The following ARFGEF2 variants were observed in gnomAD, a reference collection of about 807,000 sequenced individuals.
The protein encoded by ARFGEF2 is ARF guanine nucleotide exchange factor 2.
In ARFGEF2, 74 loss-of-function variants were observed where a neutral mutation model predicts 219.9. The ratio of observed to expected loss-of-function variants is 0.34; its 90% CI spans 0.28 to 0.41. The LOEUF (loss-of-function observed/expected upper bound fraction) is 0.41, where lower values mean the gene tolerates loss of function less well. Among genes scored for constraint, ARFGEF2 ranks in the 10% least tolerant of loss-of-function variants. ARFGEF2 has a pLI of 1.00. For synonymous variants in ARFGEF2, 733 were observed against 799.2 expected (o/e 0.92, Z 1.40); for missense variants, 1,743 against 2,218.3 (o/e 0.79, Z 4.30).
In ARFGEF2 at chr20:49,010,212, C is replaced by A; in HGVS notation, c.3585-20C>A. On this transcript the variant is annotated intron_variant, in intron 26 of 38. Transcript: ENST00000371917. The stretch of plus-strand genomic sequence containing the variant: ...ATTCTCCAAAGTACAGACGATATGG[C>A]CGTCCCATTCTTTCCTCAGGTCTCC... 6.2e-7 allele frequency: 1 copy of A among 1,610,058 alleles called. No homozygotes were observed. The highest frequency in any genetic ancestry group is 8.5e-7 in the Non-Finnish European group (1 of 1,177,172).
intron 1 of ARFGEF2, among the ~76,000 whole-genome samples, chr20:48,933,263 G>C (rs1303694954): frequency 6.6e-5 from 10 of 152,180 alleles, no homozygotes; most frequent in Non-Finnish European, 1.5e-4. Context: ...CAGGTATGCT[G>C]TGCCGTATGC....
intron 14 of ARFGEF2, among the ~76,000 whole-genome samples, chr20:48,981,386 C>T (rs541848933): frequency 3.9e-5 from 6 of 152,240 alleles, no homozygotes; most frequent in East Asian, 1.9e-4. Context: ...GTGGGTAACC[C>T]GACCTTTCTC....
In ARFGEF2 at chr20:48,998,015, G is replaced by A. The variant is rs41304423; in HGVS notation, c.3222-178G>A. Reference sequence around the variant, plus strand: ...TGGGATTACAGGTGCCCGCCACCACGCCCAGCTAATTTTTTGTATTTTTTA... The same window carrying A: ...TGGGATTACAGGTGCCCGCCACCACACCCAGCTAATTTTTTGTATTTTTTA... On this transcript the variant is annotated intron_variant, in intron 23 of 38. Transcript: ENST00000371917. 15,842 of 613,944 alleles carry A rather than the reference G, an allele frequency of 0.026. 1,566 individuals are homozygous for A. The highest frequency in any genetic ancestry group is 0.23 in the African/African-American group (12,712 of 54,854). 38.0% of individuals were successfully genotyped at this position (613,944 alleles called of 1,614,324 possible).
Position 48,953,844 on chromosome 20 carries a change from G to T in ARFGEF2, c.838+54G>T. On this transcript the variant is annotated intron_variant, in intron 6 of 38. Coordinates refer to ENST00000371917, the MANE Select transcript of ARFGEF2 (RefSeq NM_006420.3). The stretch of plus-strand genomic sequence containing the variant: ...TCCAAGTGTGAGAGGGAATCAGCCT[G>T]TGAGGGGCAGAAGAAGTGTATGTCA... 2.0e-6 allele frequency: 3 copies of T among 1,514,946 alleles called. No individual in the cohort carries two copies. The South Asian group carries it at 3.5e-5, about 17-fold the overall frequency. 93.8% of individuals were successfully genotyped at this position (1,514,946 alleles called of 1,614,324 possible).
At chr20:49,026,963 A>G (rs937710611) in intron 36 of ARFGEF2, among the ~76,000 whole-genome samples, 1 of 152,164 alleles carries the variant, frequency 6.6e-6, no homozygotes, top group Non-Finnish European at 1.5e-5. Flanking sequence ...TACAGCCTTA[A>G]AATATCCAGC....
At chr20:48,943,131 C>G (rs1046395528) in intron 3 of ARFGEF2, among the ~76,000 whole-genome samples, 2 of 152,160 alleles carry the variant, frequency 1.3e-5, no homozygotes, top group Admixed American at 6.5e-5. Context: ...ACAGCACTAA[C>G]TACACCACTA....
At chr20:48,993,887 C>A (rs532008568) in intron 21 of ARFGEF2, among the ~76,000 whole-genome samples, 1 of 152,168 alleles carries the variant, frequency 6.6e-6, no homozygotes, top group Admixed American at 6.5e-5. Context: ...CAGCAGTGAA[C>A]AAGACAGAGT....
intron 35 of ARFGEF2, among the ~76,000 whole-genome samples, chr20:49,024,253 G>A (rs748937480): frequency 3.4e-4 from 52 of 152,136 alleles, no homozygotes; most frequent in Admixed American, 2.2e-3. Context: ...GATTGCAGGC[G>A]TGCACCACCA....
chr20:48,925,230 G>A (rs2090869538), intron 1 of ARFGEF2, among the ~76,000 whole-genome samples: 1 of 152,104 alleles, frequency 6.6e-6, no homozygotes, highest in Admixed American at 6.6e-5. Flanking sequence ...GCATAAATAG[G>A]GACTGCCCAA....
chr20:49,001,975 A>C (rs1362514334), intron 25 of ARFGEF2, among the ~76,000 whole-genome samples: 1 of 152,230 alleles, frequency 6.6e-6, no homozygotes, highest in African/African-American at 2.4e-5. Flanking sequence ...GGCCGGGCAC[A>C]GTAGCTCACT....
chr20:48,997,385 G>GC (rs2091398676), intron 23 of ARFGEF2, among the ~76,000 whole-genome samples: 1 of 152,152 alleles, frequency 6.6e-6, no homozygotes, highest in Admixed American at 6.6e-5. Flanking sequence ...TGATTCTGCT[G>GC]CCTCAGCCGC....
rs1343225349 is a variant in ARFGEF2, at chr20:48,991,192, G to A, written c.2967G>A (p.Trp989Ter). The A allele has an allele frequency of 6.2e-7, 1 of 1,614,198 alleles. No homozygotes were observed. Among genetic ancestry groups the A allele is most frequent in the Non-Finnish European group, 8.5e-7 (1 of 1,180,026 alleles). ...HTDGNYLGNSWHEILKCISQL... is the reference protein window; with the variant it reads ...HTDGNYLGNS ...ATGGCAACTACCTTGGGAATTCCTG[G>A]CATGAGGTACGTGTCTCTTTGAATT... Residue 989 changes from tryptophan to a stop codon, truncating the protein, a stop_gained, in exon 21 of 39, where the codon TGG becomes TGA. Transcript: ENST00000371917. LOFTEE classifies it high-confidence loss of function.
At chr20:48,938,015 C>A (rs1207120729) in intron 1 of ARFGEF2, among the ~76,000 whole-genome samples, 1 of 152,204 alleles carries the variant, frequency 6.6e-6, no homozygotes, top group African/African-American at 2.4e-5. Context: ...TTATGGTTTA[C>A]AGAGTAATTC....
intron 14 of ARFGEF2, among the ~76,000 whole-genome samples, chr20:48,982,665 A>G (rs1156881834): frequency 6.6e-6 from 1 of 152,114 alleles, no homozygotes; most frequent in Non-Finnish European, 1.5e-5. Flanking sequence ...TTCGAGCTTC[A>G]CCAGCACTTT....
intron 8 of ARFGEF2, 76 bp downstream of exon 8, chr20:48,966,099 CAAAAG>C (rs1450050665): frequency 6.4e-7 from 1 of 1,562,710 alleles, no homozygotes; most frequent in African/African-American, 1.4e-5. Context: ...AGTCTTTCCT[CAAAAG>C]AAGCAACTAA....
At position 48,998,480 on chromosome 20, in the gene ARFGEF2, A is replaced by G. The variant is rs2091404964; in HGVS notation, c.3407A>G (p.His1136Arg). The change falls in exon 25 of 39, where the codon CAT becomes CGT. Residue 1136 changes from histidine (H) to arginine (R), a missense_variant. His to Arg is a conservative substitution (Grantham distance 29). Transcript: ENST00000371917. ...RIRLQWSRIW[H>R]VIGDHFNKVG... ...CGACTACAGTGGTCTCGAATATGGC[A>G]TGTGATTGGAGATCACTTCAATAAG... The G allele has an allele frequency of 5.6e-6, 9 of 1,613,940 alleles. No individual in the cohort carries two copies. The highest frequency in any genetic ancestry group is 7.6e-6 in the Non-Finnish European group (9 of 1,179,994).
At chr20:48,983,938 G>A (rs1295342142) in intron 14 of ARFGEF2, among the ~76,000 whole-genome samples, 2 of 152,002 alleles carry the variant, frequency 1.3e-5, no homozygotes, top group African/African-American at 4.8e-5. Context: ...AATGGGCTGG[G>A]CATGGTGGCT....
intron 26 of ARFGEF2, among the ~76,000 whole-genome samples, chr20:49,006,853 T>C (rs1332563063): frequency 5.3e-5 from 8 of 150,454 alleles, no homozygotes; most frequent in Admixed American, 3.3e-4. Flanking sequence ...GTTTGCTCTC[T>C]GTGAAAGATG....
At chr20:48,968,041 T>A (rs1322016663) in intron 8 of ARFGEF2, among the ~76,000 whole-genome samples, 1 of 152,244 alleles carries the variant, frequency 6.6e-6, no homozygotes. Context: ...TTGCCCAGGC[T>A]GGAGTGCAGT....
Sources: gnomAD v4.1 joint callset for allele counts (sites outside exome capture counted in the v4.1 genomes callset) on GRCh38, gnomAD v4.1.1 for gene constraint, MANE v1.5 for transcripts, NCBI Gene and HGNC (gene_info 2026-07-23, HGNC 2026-07-21) for gene names.